Variants in NRG3 observed in about 807,000 individuals in gnomAD.
The protein encoded by NRG3 is neuregulin 3.
A neutral mutation model predicts 66.9 loss-of-function variants in NRG3; 31 were observed. That is an observed-to-expected ratio of 0.46 (90% CI 0.35 to 0.63). The LOEUF (loss-of-function observed/expected upper bound fraction) is 0.63. Among genes scored for constraint, NRG3 ranks in the 20% least tolerant of loss-of-function variants. The probability of loss-of-function intolerance (pLI) is 0.00; values close to 1 mark genes in which losing one functional copy is unlikely to be tolerated. For missense variants in NRG3, 910 were observed against 878.9 expected, an observed-to-expected ratio of 1.04 and a Z score of -0.45; for synonymous variants, 393 against 359.4, an observed-to-expected ratio of 1.09 and a Z score of -1.06.
intron 2 of NRG3, among the ~76,000 whole-genome samples, chr10:82,437,666 G>T (rs189088255): frequency 1.3e-5 from 2 of 152,048 alleles, no homozygotes; most frequent in Admixed American, 6.6e-5. Context: ...TCTCATCTTC[G>T]TGAATTTGTC....
At position 82,724,774 on chromosome 10, in the gene NRG3, T is replaced by A. The variant is rs373727254; in HGVS notation, c.954-13803T>A. On this transcript the variant is annotated intron_variant, in intron 2 of 8. Transcript: ENST00000372141. ...ATTACCACTTCTTTTTGAAGCATGCTGAGTGGTTTTATCAGTTGTTTGCTA... is the reference window on the plus strand; with the variant it reads ...ATTACCACTTCTTTTTGAAGCATGCAGAGTGGTTTTATCAGTTGTTTGCTA... 2.6e-4 allele frequency among the ~76,000 whole-genome samples: 39 copies of A among 152,344 alleles called. No individual in the cohort carries two copies. In the East Asian group the frequency reaches 6.0e-3, roughly 23 times the overall value.
intron 3 of NRG3, among the ~76,000 whole-genome samples, chr10:82,750,127 G>A (rs572494489): frequency 5.3e-5 from 8 of 152,266 alleles, no homozygotes; most frequent in Non-Finnish European, 1.0e-4. Context: ...ACATTTTGAA[G>A]ATAAATAGCA....
intron 1 of NRG3, among the ~76,000 whole-genome samples, chr10:82,021,224 C>T (rs1022367223): frequency 1.1e-4 from 17 of 151,944 alleles, no homozygotes; most frequent in Non-Finnish European, 8.8e-5. Flanking sequence ...AGTGCAACGA[C>T]GGTGTTGATG....
chr10:82,479,046 A>G (rs1197177521), intron 2 of NRG3, among the ~76,000 whole-genome samples: 1 of 152,206 alleles, frequency 6.6e-6, no homozygotes, highest in African/African-American at 2.4e-5. Context: ...AAGGATATCC[A>G]CTATCCAATT....
At chr10:82,135,906 T>A (rs2069307740) in intron 1 of NRG3, among the ~76,000 whole-genome samples, 1 of 152,138 alleles carries the variant, frequency 6.6e-6, no homozygotes, top group Admixed American at 6.6e-5. Context: ...AGGATATTCG[T>A]CAATGTCTAG....
At chr10:81,946,297 A>G (rs974123588) in intron 1 of NRG3, among the ~76,000 whole-genome samples, 5 of 152,174 alleles carry the variant, frequency 3.3e-5, no homozygotes, top group African/African-American at 1.2e-4. Flanking sequence ...GATTACAGGC[A>G]TACGCCCAGC....
chr10:81,917,185 A>G (rs957004547), intron 1 of NRG3, among the ~76,000 whole-genome samples: 2 of 152,194 alleles, frequency 1.3e-5, no homozygotes, highest in Non-Finnish European at 2.9e-5. Context: ...TATTAAGTGT[A>G]CTTAAATTAA....
At position 82,985,287 on chromosome 10, in the gene NRG3, G is replaced by A. The variant is rs867852560; in HGVS notation, c.1773G>A (p.Gly591=). 1.9e-6 allele frequency: 3 copies of A among 1,614,158 alleles called. No homozygotes were observed. The South Asian group carries it at 3.3e-5, about 18-fold the overall frequency. ...AGGAAACCTGCCTGCAAATGCCAGG[G>A]ATTTCTGAAGTCAAAAGCATCAAAT... ...GLEETCLQMP[G]ISEVKSIKWC... Residue 591 remains glycine, a synonymous_variant, in exon 9 of 9, where the codon GGG becomes GGA. Coordinates refer to ENST00000372141, the MANE Select transcript of NRG3 (RefSeq NM_001010848.4).
rs532084764 is a variant in NRG3 at position 82,173,115 on chromosome 10, G to C, written c.824-185624G>C. 2.0e-5 allele frequency among the ~76,000 whole-genome samples: 3 copies of C among 152,212 alleles called. No homozygotes were observed. The South Asian group carries it at 6.2e-4, about 32-fold the overall frequency. On this transcript the variant is annotated intron_variant, in intron 1 of 8. Coordinates refer to ENST00000372141, the MANE Select transcript of NRG3 (RefSeq NM_001010848.4). ...AGCAAAGAGGATAATTTCAGATTCA[G>C]TTTCTACAAAGGATTGCTTTGGGTT...
intron 1 of NRG3, among the ~76,000 whole-genome samples, chr10:81,973,205 C>T (rs1316979072): frequency 6.6e-6 from 1 of 152,136 alleles, no homozygotes; most frequent in South Asian, 2.1e-4. Context: ...ATAGTGGCCT[C>T]CAGCTTCATC....
chr10:82,178,796 T>C (rs2073215417), intron 1 of NRG3, among the ~76,000 whole-genome samples: 1 of 152,124 alleles, frequency 6.6e-6, no homozygotes, highest in Non-Finnish European at 1.5e-5. Context: ...GAAGACTTCA[T>C]AGTGTTTTCC....
chr10:82,252,829 C>T (rs954223981), intron 1 of NRG3, among the ~76,000 whole-genome samples: 4 of 152,150 alleles, frequency 2.6e-5, no homozygotes, highest in African/African-American at 9.7e-5. Context: ...CAGCTTGCTC[C>T]ATTGAGTTTC....
At chr10:82,692,938 C>T (rs1591193100) in intron 2 of NRG3, among the ~76,000 whole-genome samples, 1 of 152,238 alleles carries the variant, frequency 6.6e-6, no homozygotes, top group Admixed American at 6.5e-5. Flanking sequence ...TGAATGCTGG[C>T]CAACAGAGGG....
At chr10:82,316,668 TC>T (rs2081312701) in intron 1 of NRG3, among the ~76,000 whole-genome samples, 1 of 152,204 alleles carries the variant, frequency 6.6e-6, no homozygotes, top group Non-Finnish European at 1.5e-5. Context: ...GGCTAAGATT[TC>T]ATTTCATAAA....
intron 1 of NRG3, among the ~76,000 whole-genome samples, chr10:82,026,460 C>A (rs748854508): frequency 6.6e-6 from 1 of 151,966 alleles, no homozygotes; most frequent in Non-Finnish European, 1.5e-5. Flanking sequence ...GCTTCTGATA[C>A]GTGTTACTGA....
intron 2 of NRG3, among the ~76,000 whole-genome samples, chr10:82,629,557 A>G (rs1166478066): frequency 1.3e-5 from 2 of 152,204 alleles, no homozygotes; most frequent in African/African-American, 4.8e-5. Context: ...ATTTCTATCC[A>G]TGGTAGAACT....
chr10:82,065,026 A>G (rs1284317948), intron 1 of NRG3, among the ~76,000 whole-genome samples: 2 of 152,218 alleles, frequency 1.3e-5, no homozygotes, highest in Admixed American at 6.5e-5. Context: ...GCTGAGCAGT[A>G]TCAGAGACAA....
At chr10:82,657,621 A>G (rs2051973809) in intron 2 of NRG3, among the ~76,000 whole-genome samples, 1 of 152,098 alleles carries the variant, frequency 6.6e-6, no homozygotes, top group East Asian at 1.9e-4. Flanking sequence ...ACCCTGGGGA[A>G]ATACAGGCTA....
chr10:82,346,875 G>T (rs1298092744), intron 1 of NRG3, among the ~76,000 whole-genome samples: 2 of 152,046 alleles, frequency 1.3e-5, no homozygotes, highest in Non-Finnish European at 2.9e-5. Context: ...AGTATTCTGT[G>T]ATGGTAGTTT....
Sources: allele counts gnomAD v4.1 joint callset (sites outside exome capture counted in the v4.1 genomes callset), GRCh38; gene constraint gnomAD v4.1.1; transcripts MANE v1.5; gene names NCBI Gene and HGNC (gene_info 2026-07-23, HGNC 2026-07-21).